Variants in LARGE1 observed in about 807,000 individuals in gnomAD.
LARGE1 encodes LARGE xylosyl- and glucuronyltransferase 1.
In LARGE1, 43 loss-of-function variants were observed where a neutral mutation model predicts 87.6. That is an observed-to-expected ratio of 0.49 (90% CI 0.38 to 0.63). The LOEUF (loss-of-function observed/expected upper bound fraction) is 0.63, where lower values mean the gene tolerates loss of function less well. Ranked by LOEUF, LARGE1 falls within the 30% of genes least tolerant of loss-of-function variation. The pLI is 0.00. For synonymous variants in LARGE1, 434 were observed against 394.6 expected (o/e 1.10, Z -1.18); for missense variants, 802 against 1,000.2 (o/e 0.80, Z 2.67).
At chr22:33,471,866 AT>A (rs2068857043) in intron 6 of LARGE1, among the ~76,000 whole-genome samples, 1 of 152,140 alleles carries the variant, frequency 6.6e-6, no homozygotes, top group South Asian at 2.1e-4. Context: ...CCTGGCCAAT[AT>A]GGTGAAACCC....
At chr22:33,472,432 G>A (rs749378430) in intron 6 of LARGE1, among the ~76,000 whole-genome samples, 1 of 152,128 alleles carries the variant, frequency 6.6e-6, no homozygotes, top group African/African-American at 2.4e-5. Flanking sequence ...CAAATATCTA[G>A]TATAGTGGTT....
At chr22:33,752,993 G>A (rs754919017) in intron 2 of LARGE1, among the ~76,000 whole-genome samples, 32 of 152,174 alleles carry the variant, frequency 2.1e-4, no homozygotes, top group African/African-American at 5.1e-4. Context: ...AGGCCAAGGC[G>A]GGTGGATCAC....
At chr22:33,870,048 C>A (rs750469867) in intron 1 of LARGE1, among the ~76,000 whole-genome samples, 18 of 152,174 alleles carry the variant, frequency 1.2e-4, no homozygotes, top group Admixed American at 5.2e-4. Flanking sequence ...TATTTGGAAA[C>A]AAGTTCATTG....
chr22:33,166,728 C>G lies in LARGE1; in HGVS notation c.*35G>C, dbSNP rs886884652. 14 of 471,026 alleles carry G rather than the reference C, an allele frequency of 3.0e-5. No homozygotes were observed. The Admixed American group carries it at 3.3e-4, about 11-fold the overall frequency. 29.2% of individuals were successfully genotyped at this position (471,026 alleles called of 1,614,324 possible). On this transcript the variant is annotated 3_prime_UTR_variant, in exon 12 of 12. Coordinates refer to the LARGE1 transcript ENST00000608642. ...ATTAGGGCTCATGAAGAACAGTACC[C>G]AAGTCCTCGAGAAGGAAGCCAACGC...
intron 9 of LARGE1, among the ~76,000 whole-genome samples, chr22:33,338,528 C>T (rs1025610896): frequency 6.6e-6 from 1 of 152,146 alleles, no homozygotes; most frequent in African/African-American, 2.4e-5. Flanking sequence ...CACTTTATGC[C>T]TTATAACTAT....
chr22:33,204,050 G>A (rs1022304000), intron 11 of LARGE1, among the ~76,000 whole-genome samples: 2 of 152,158 alleles, frequency 1.3e-5, no homozygotes, highest in Non-Finnish European at 2.9e-5. Context: ...GCAAATGAAT[G>A]AATGAGTGGA....
At chr22:33,650,288 T>C in intron 3 of LARGE1, 79 bp downstream of exon 3, 1 of 1,553,690 alleles carries the variant, frequency 6.4e-7, no homozygotes, top group Non-Finnish European at 8.9e-7. Flanking sequence ...TCTGGCTGTG[T>C]TTCCAGGAGG....
At chr22:33,122,291 C>T in the LARGE1 span, among the ~76,000 whole-genome samples, 6 of 151,716 alleles carry the variant, frequency 4.0e-5, no homozygotes, top group Middle Eastern at 3.4e-3. Context: ...GCCTTGGTTA[C>T]GAGTAGCCAC....
chr22:33,661,675 G>A (rs911293846), intron 2 of LARGE1, among the ~76,000 whole-genome samples: 3 of 152,036 alleles, frequency 2.0e-5, no homozygotes, highest in Non-Finnish European at 4.4e-5. Context: ...GGGCTTCTGT[G>A]CCCCTCCTGC....
rs578115819 is a variant in LARGE1, at chr22:33,187,921, C to CAAAAAAAAAAAA, written c.1731-21101_1731-21090dup. 1.4e-4 allele frequency among the ~76,000 whole-genome samples: 5 copies of CAAAAAAAAAAAA among 36,908 alleles called. 1 individual carries two copies. Among genetic ancestry groups the CAAAAAAAAAAAA allele is most frequent in the Non-Finnish European group, 2.3e-4 (4 of 17,734 alleles). 24.2% of individuals were successfully genotyped at this position (36,908 alleles called of 152,430 possible). A position where few individuals can be genotyped will look rare whatever the true frequency, so the allele number is the denominator to read the frequency against. On this transcript the variant is annotated intron_variant, in intron 11 of 11. Coordinates refer to the LARGE1 transcript ENST00000608642. ...TGGGCAACAGAGTGAGACTCCGTCT[C>CAAAAAAAAAAAA]AAAAAAAAAAAAAAAAAAAAAAAAA...
intron 2 of LARGE1, among the ~76,000 whole-genome samples, chr22:33,728,402 G>A (rs946631795): frequency 4.6e-5 from 7 of 151,732 alleles, no homozygotes; most frequent in African/African-American, 7.3e-5. Flanking sequence ...AGCCAGGCAC[G>A]GGGGTGCATG....
the LARGE1 span, among the ~76,000 whole-genome samples, chr22:33,130,550 T>C: frequency 2.0e-5 from 3 of 152,136 alleles, no homozygotes; most frequent in Non-Finnish European, 4.4e-5. Flanking sequence ...GCAATGGGCA[T>C]ACTCCAGGCT....
chr22:33,816,685 TAGATAGAC>T lies in LARGE1; in HGVS notation c.-82-55135_-82-55128del, dbSNP rs1359633348. Among the ~76,000 whole-genome samples, 259 of 133,376 alleles carry T rather than the reference TAGATAGAC, an allele frequency of 1.9e-3. 2 individuals carry two copies. Among genetic ancestry groups the T allele is most frequent in the African/African-American group, 6.9e-3 (223 of 32,398 alleles). 87.5% of individuals were successfully genotyped at this position (133,376 alleles called of 152,430 possible). A position where few individuals can be genotyped will look rare whatever the true frequency, so the allele number is the denominator to read the frequency against. On this transcript the variant is annotated intron_variant, in intron 1 of 14. Transcript: ENST00000397394. ...ATGCACGGATGGATGGATAGATAGATAGATAGACAGACAGACAGACAGACAGACAGACA... is the reference window on the plus strand; with the variant it reads ...ATGCACGGATGGATGGATAGATAGATAGACAGACAGACAGACAGACAGACA...
chr22:33,870,516 C>G (rs2064243465), intron 1 of LARGE1, among the ~76,000 whole-genome samples: 1 of 151,934 alleles, frequency 6.6e-6, no homozygotes. Flanking sequence ...CATTTTATTC[C>G]CACAACAACC....
At chr22:33,288,786 C>T (rs897896394) in intron 12 of LARGE1, among the ~76,000 whole-genome samples, 1 of 152,182 alleles carries the variant, frequency 6.6e-6, no homozygotes, top group African/African-American at 2.4e-5. Flanking sequence ...TTGTCCCCTA[C>T]ATGGGCCTGA....
At chr22:33,552,863 G>T (rs2148706977) in intron 6 of LARGE1, among the ~76,000 whole-genome samples, 1 of 152,224 alleles carries the variant, frequency 6.6e-6, no homozygotes, top group Non-Finnish European at 1.5e-5. Context: ...CAAAATACTA[G>T]GTGAATTACA....
At chr22:33,536,867 G>A (rs924507244) in intron 6 of LARGE1, among the ~76,000 whole-genome samples, 4 of 152,172 alleles carry the variant, frequency 2.6e-5, no homozygotes, top group Admixed American at 2.0e-4. Context: ...GCCGGAGTGC[G>A]ATGGTGCAAT....
intron 1 of LARGE1, among the ~76,000 whole-genome samples, chr22:33,874,204 T>A (rs1313567040): frequency 6.6e-6 from 1 of 152,186 alleles, no homozygotes; most frequent in Non-Finnish European, 1.5e-5. Context: ...GGACAGGACC[T>A]AAGACATGCT....
chr22:33,686,798 C>G (rs1209355319), intron 2 of LARGE1, among the ~76,000 whole-genome samples: 2 of 152,078 alleles, frequency 1.3e-5, no homozygotes, highest in Non-Finnish European at 2.9e-5. Context: ...TGTAGGGTTG[C>G]CAGATTTAGC....
Sources: gnomAD v4.1 joint callset for allele counts (sites outside exome capture counted in the v4.1 genomes callset) on GRCh38, gnomAD v4.1.1 for gene constraint, MANE v1.5 for transcripts, NCBI Gene and HGNC (gene_info 2026-07-23, HGNC 2026-07-21) for gene names.